Variants in MRTFB observed in about 807,000 individuals in gnomAD.
MRTFB encodes the protein myocardin related transcription factor B.
In MRTFB, 29 loss-of-function variants were observed where a neutral mutation model predicts 104.2. That is an observed-to-expected ratio of 0.28 (90% confidence interval 0.21 to 0.38). MRTFB has a LOEUF of 0.38. MRTFB is among the 10% of genes least tolerant of loss of function. The pLI is 1.00. For synonymous variants in MRTFB, 535 were observed against 519.5 expected (o/e 1.03, Z -0.41); for missense variants, 1,270 against 1,341.6 (o/e 0.95, Z 0.83).
At chr16:14,238,068 G>C (rs1179350591) in intron 9 of MRTFB, among the ~76,000 whole-genome samples, 1 of 152,122 alleles carries the variant, frequency 6.6e-6, no homozygotes, top group African/African-American at 2.4e-5. Context: ...TTCTCAGCAG[G>C]GGTAAGTTTG....
intron 3 of MRTFB, among the ~76,000 whole-genome samples, chr16:14,172,754 G>A (rs1190920981): frequency 6.6e-6 from 1 of 152,060 alleles, no homozygotes; most frequent in Non-Finnish European, 1.5e-5. Flanking sequence ...CTCTAATTAT[G>A]GGTAAGGGTG....
chr16:14,260,947 T>G lies in MRTFB; in HGVS notation c.2803T>G (p.Ser935Ala). 1.2e-6 allele frequency: 2 copies of G among 1,613,018 alleles called. No homozygotes were observed. Among genetic ancestry groups the G allele is most frequent in the East Asian group, 4.5e-5 (2 of 44,862 alleles). The change falls in exon 17 of 17, where the codon TCC becomes GCC. Residue 935 changes from serine to alanine, a missense_variant. Physicochemically the swap from Ser to Ala is moderately conservative, Grantham distance 99. This residue lies in a region of MRTFB where 1,144 missense variants were observed against 1,131.5 expected (regional missense o/e 1.01). Coordinates refer to ENST00000571589, the MANE Select transcript of MRTFB (RefSeq NM_001308142.2). ...CATAAAAGAAGAACCTTCTCCTATT[T>G]CCAAAATGAGACCAGTGACAGCCAG... is the stretch of plus-strand genomic sequence containing the variant. ...LPIKEEPSPI[S>A]KMRPVTASIT...
chr16:14,254,087 G>C (rs1403494404), intron 15 of MRTFB, among the ~76,000 whole-genome samples: 1 of 152,122 alleles, frequency 6.6e-6, no homozygotes, highest in Non-Finnish European at 1.5e-5. Context: ...TGGAATCTCT[G>C]GTATTTACAT....
At chr16:14,033,954 G>A in the MRTFB span, among the ~76,000 whole-genome samples, 3 of 152,088 alleles carry the variant, frequency 2.0e-5, no homozygotes, top group Non-Finnish European at 4.4e-5. Flanking sequence ...GGCAATGGAG[G>A]AACAAAGCTG....
intron 3 of MRTFB, among the ~76,000 whole-genome samples, chr16:14,171,437 G>A (rs1310301921): frequency 6.6e-6 from 1 of 151,844 alleles, no homozygotes; most frequent in Non-Finnish European, 1.5e-5. Context: ...AGAGGTTGCA[G>A]TGAGTGAGCT....
chr16:14,056,841 G>C, the MRTFB span, among the ~76,000 whole-genome samples: 1 of 152,096 alleles, frequency 6.6e-6, no homozygotes, highest in East Asian at 1.9e-4. Flanking sequence ...GAAACCTTTA[G>C]TTCATACCAA....
chr16:14,258,034 C>A, intron 15 of MRTFB, 67 bp from the exon 16 acceptor site: 2 of 1,347,602 alleles, frequency 1.5e-6, no homozygotes, highest in Non-Finnish European at 2.1e-6. Flanking sequence ...TCCCTTAGGA[C>A]TGCTAATTAT....
At chr16:14,100,316 T>C (rs2035630180) in intron 2 of MRTFB, among the ~76,000 whole-genome samples, 1 of 152,204 alleles carries the variant, frequency 6.6e-6, no homozygotes, top group African/African-American at 2.4e-5. Context: ...CAGGAATGGA[T>C]GTTGGATTTT....
intron 2 of MRTFB, among the ~76,000 whole-genome samples, chr16:14,113,618 C>G (rs2036388495): frequency 6.6e-6 from 1 of 152,040 alleles, no homozygotes; most frequent in Admixed American, 6.6e-5. Flanking sequence ...GTTACTGGGA[C>G]ATTGGATAAT....
chr16:14,056,506 A>G, the MRTFB span, among the ~76,000 whole-genome samples: 1 of 152,140 alleles, frequency 6.6e-6, no homozygotes, highest in South Asian at 2.1e-4. Context: ...TTATTTTTTG[A>G]GCAATTCCCT....
intron 2 of MRTFB, among the ~76,000 whole-genome samples, chr16:14,104,921 C>T (rs781675377): frequency 1.6e-4 from 25 of 152,094 alleles, no homozygotes; most frequent in African/African-American, 5.6e-4. Context: ...GGCACTGAAG[C>T]GTATTGACAT....
At chr16:14,012,827 T>C in the MRTFB span, among the ~76,000 whole-genome samples, 4 of 152,210 alleles carry the variant, frequency 2.6e-5, no homozygotes, top group African/African-American at 9.7e-5. Context: ...GTCATGGCCC[T>C]GGAGCTTTCA....
intron 3 of MRTFB, chr16:14,148,681 T>G (rs1272493799): frequency 1.3e-5 from 2 of 152,694 alleles, no homozygotes; most frequent in Non-Finnish European, 2.9e-5. Context: ...TGTAGTCTTT[T>G]GGGAGTCAGG....
intron 15 of MRTFB, among the ~76,000 whole-genome samples, chr16:14,253,336 A>G (rs2043332122): frequency 6.6e-6 from 1 of 152,204 alleles, no homozygotes; most frequent in Non-Finnish European, 1.5e-5. Context: ...ATGGGTGCTA[A>G]AGGTGGACAC....
chr16:14,175,152 A>C lies in MRTFB; in HGVS notation c.154+34392A>C, dbSNP rs545887805. On this transcript the variant is annotated intron_variant, in intron 3 of 16. Coordinates refer to ENST00000571589, the MANE Select transcript of MRTFB (RefSeq NM_001308142.2). ...AGTAACCTTGTGGGTTTAAAAAAAA[A>C]CATATTTATTGAACTATAATTGACA... is the stretch of plus-strand genomic sequence containing the variant. 3.3e-5 allele frequency among the ~76,000 whole-genome samples: 5 copies of C among 152,272 alleles called. No homozygotes were observed. The East Asian group carries it at 7.7e-4, about 24-fold the overall frequency.
At chr16:14,000,792 C>G in the MRTFB span, among the ~76,000 whole-genome samples, 1 of 152,228 alleles carries the variant, frequency 6.6e-6, no homozygotes, top group Non-Finnish European at 1.5e-5. Flanking sequence ...TTTGTATTTG[C>G]CAGTGAGCCA....
upstream of MRTFB, among the ~76,000 whole-genome samples, chr16:14,069,670 C>T (rs138240206): frequency 3.1e-4 from 47 of 152,140 alleles, no homozygotes; most frequent in African/African-American, 1.1e-3. Context: ...TTTGTAGAGA[C>T]GGGGTCTCAC....
intron 3 of MRTFB, among the ~76,000 whole-genome samples, chr16:14,203,949 T>G: frequency 6.6e-6 from 1 of 151,716 alleles, no homozygotes; most frequent in East Asian, 1.9e-4. Context: ...ATTTTAAAGG[T>G]TTTGTTTTGT....
chr16:14,136,075 A>G (rs887648852), intron 2 of MRTFB, among the ~76,000 whole-genome samples: 4 of 152,132 alleles, frequency 2.6e-5, no homozygotes, highest in African/African-American at 9.7e-5. Flanking sequence ...GTTCGAGACA[A>G]GCCTGGCCAA....
Sources: allele counts gnomAD v4.1 joint callset (sites outside exome capture counted in the v4.1 genomes callset), GRCh38; gene constraint gnomAD v4.1.1; regional missense constraint gnomAD v4.1.1; transcripts MANE v1.5; gene names NCBI Gene and HGNC (gene_info 2026-07-23, HGNC 2026-07-21).